Variants in TVP23A observed in about 807,000 individuals in gnomAD.
TVP23A encodes Golgi apparatus membrane protein TVP23 homolog A.
TVP23A carries 21 observed loss-of-function variants against 31.7 expected under a neutral mutation model. The ratio of observed to expected loss-of-function variants is 0.66; its 90% CI spans 0.47 to 0.95. The LOEUF (loss-of-function observed/expected upper bound fraction) is 0.95. Among genes scored for constraint, TVP23A ranks in the 40% least tolerant of loss-of-function variants. The pLI, the probability that TVP23A is intolerant of heterozygous loss-of-function variation, is 0.00. For missense variants in TVP23A, 279 were observed against 255.6 expected, an observed-to-expected ratio of 1.09 and a Z score of -0.62; for synonymous variants, 104 against 96.0, an observed-to-expected ratio of 1.08 and a Z score of -0.49.
At chr16:10,761,702 T>G, downstream of TVP23A, 1 of 1,348,740 alleles carries the variant, frequency 7.4e-7, no homozygotes, top group Non-Finnish European at 1.1e-6. Context: ...ATGTGGTCCA[T>G]CCTTGTGATT....
downstream of TVP23A, among the ~76,000 whole-genome samples, chr16:10,763,116 T>G (rs538081717): frequency 1.2e-4 from 19 of 152,050 alleles, no homozygotes; most frequent in African/African-American, 4.3e-4. Flanking sequence ...GGTCCGTCCC[T>G]CAGAGACAGT....
intron 2 of TVP23A, among the ~76,000 whole-genome samples, chr16:10,780,218 T>C (rs1052287508): frequency 3.3e-5 from 5 of 152,194 alleles, no homozygotes; most frequent in African/African-American, 1.2e-4. Flanking sequence ...ATTTACTTAA[T>C]CTAAATGGGT....
intron 2 of TVP23A, among the ~76,000 whole-genome samples, chr16:10,816,864 A>ACGTTGTGCAC (rs1321563188): frequency 5.3e-4 from 80 of 152,108 alleles, no homozygotes; most frequent in African/African-American, 1.9e-3. Context: ...CCTAAAACTT[A>ACGTTGTGCAC]AAGTACAATA....
chr16:10,761,307 A>G lies in TVP23A; in HGVS notation c.*468T>C, dbSNP rs551882281. 3.8e-5 allele frequency: 58 copies of G among 1,524,184 alleles called. No individual in the cohort carries two copies. In the African/African-American group the frequency reaches 5.9e-4, roughly 15 times the overall value. The allele number at this position is 1,524,184 out of a possible 1,614,324, so 94.4% of individuals were successfully genotyped here. A position where few individuals can be genotyped will look rare whatever the true frequency, so the allele number is the denominator to read the frequency against. ...ATTGCAGCCATCCCCTCGGTTGCAC[A>G]GACATTCCCTTTCTCGCACTTTGAT... is the stretch of plus-strand genomic sequence containing the variant. On this transcript the variant is annotated 3_prime_UTR_variant and NMD_transcript_variant, in exon 9 of 9. Transcript: ENST00000456096.
At chr16:10,762,142 G>T, downstream of TVP23A, 1 of 297,932 alleles carries the variant, frequency 3.4e-6, no homozygotes, top group Admixed American at 4.6e-5. Flanking sequence ...GGGGACTGAG[G>T]AGGGCACCCG....
At chr16:10,804,384 G>A (rs2033846895) in intron 2 of TVP23A, among the ~76,000 whole-genome samples, 1 of 152,204 alleles carries the variant, frequency 6.6e-6, no homozygotes, top group Non-Finnish European at 1.5e-5. Flanking sequence ...GAGTGGGTGA[G>A]GGCCGAAGCT....
exon 9 of TVP23A, chr16:10,761,383 T>A: frequency 6.2e-7 from 1 of 1,614,070 alleles, no homozygotes; most frequent in Non-Finnish European, 8.5e-7. Flanking sequence ...CTCCAGGATG[T>A]CCGGAAAGAA....
chr16:10,786,645 G>C (rs773558849), intron 2 of TVP23A, among the ~76,000 whole-genome samples: 29 of 152,024 alleles, frequency 1.9e-4, no homozygotes, highest in Non-Finnish European at 2.9e-4. Flanking sequence ...TCTAGAATTT[G>C]CTTAAAAATA....
intron 2 of TVP23A, among the ~76,000 whole-genome samples, chr16:10,781,658 C>A (rs778005044): frequency 6.6e-6 from 1 of 152,122 alleles, no homozygotes; most frequent in Non-Finnish European, 1.5e-5. Context: ...CAGCTCTACC[C>A]GGGTTCAGCA....
intron 2 of TVP23A, among the ~76,000 whole-genome samples, chr16:10,798,536 G>A (rs373790347): frequency 1.3e-5 from 2 of 152,328 alleles, no homozygotes; most frequent in Admixed American, 6.5e-5. Flanking sequence ...TCATACCCTC[G>A]TGTAGTCACG....
downstream of TVP23A, among the ~76,000 whole-genome samples, chr16:10,766,440 GTGTGTTGGGGGC>G (rs1178167176): frequency 6.6e-6 from 1 of 152,184 alleles, no homozygotes; most frequent in Non-Finnish European, 1.5e-5. This position sits in a 1 kb window ranked among gnomAD's most constrained non-coding sequence, Gnocchi z 4.8. Flanking sequence ...GAGCATATAT[GTGTGTTGGGGGC>G]TGGGGAGCCC....
Position 10,818,536 on chromosome 16 carries a change from A to T in TVP23A, c.-43T>A. Reference sequence around the variant, plus strand: ...ACCTGGCGCCCAGGCCCGGGGCTCCAGCTCCGCCCGTCGCCGCTGAAGGGG... The same window carrying T: ...ACCTGGCGCCCAGGCCCGGGGCTCCTGCTCCGCCCGTCGCCGCTGAAGGGG... On this transcript the variant is annotated 5_prime_UTR_variant, in exon 1 of 8. Transcript: ENST00000299866. This position sits in a 1 kb window ranked among gnomAD's most constrained non-coding sequence, Gnocchi z 4.7. 6.3e-7 allele frequency: 1 copy of T among 1,593,444 alleles called. No homozygotes were observed. Among genetic ancestry groups the T allele is most frequent in the Non-Finnish European group, 8.5e-7 (1 of 1,175,588 alleles).
chr16:10,784,834 C>T (rs941870480), intron 2 of TVP23A, among the ~76,000 whole-genome samples: 22 of 152,138 alleles, frequency 1.4e-4, no homozygotes, highest in South Asian at 2.1e-4. Flanking sequence ...GGTGTGGTGG[C>T]TCACACCTAT....
intron 2 of TVP23A, among the ~76,000 whole-genome samples, chr16:10,788,540 C>T (rs1281427498): frequency 6.6e-6 from 1 of 152,024 alleles, no homozygotes; most frequent in Non-Finnish European, 1.5e-5. Flanking sequence ...ACCCGAAGTC[C>T]GGTGGTGACA....
At chr16:10,757,717 A>G (rs931980339), downstream of TVP23A, among the ~76,000 whole-genome samples, 1 of 152,050 alleles carries the variant, frequency 6.6e-6, no homozygotes, top group African/African-American at 2.4e-5. This position sits in a 1 kb window ranked among gnomAD's most constrained non-coding sequence, Gnocchi z 4.1. Flanking sequence ...AGTCCTAGTT[A>G]CTTGGGAGGC....
intron 2 of TVP23A, among the ~76,000 whole-genome samples, chr16:10,812,647 A>C (rs1002351012): frequency 2.0e-5 from 3 of 152,170 alleles, no homozygotes; most frequent in African/African-American, 7.2e-5. Flanking sequence ...GTAAGCCAAT[A>C]AAAAAAGGAC....
chr16:10,762,834 C>T (rs930440210), downstream of TVP23A, among the ~76,000 whole-genome samples: 3 of 151,350 alleles, frequency 2.0e-5, no homozygotes, highest in East Asian at 3.9e-4. Context: ...GGGCGGGGCC[C>T]GTGGAGAGCC....
chr16:10,757,786 G>C (rs1202471679), downstream of TVP23A: 8 of 1,523,084 alleles, frequency 5.3e-6, no homozygotes, highest in East Asian at 1.8e-4. The surrounding 1 kb of genome is among the most constrained non-coding windows in gnomAD (Gnocchi z 4.1). Flanking sequence ...AACATAGCAA[G>C]ACCCCATCCT....
In TVP23A at chr16:10,766,802, G is replaced by C; in HGVS notation, c.*2300C>G. The C allele has an allele frequency of 2.5e-6, 1 of 397,532 alleles. No homozygotes were observed. The highest frequency in any genetic ancestry group is 4.4e-6 in the Non-Finnish European group (1 of 225,876). 24.6% of individuals were successfully genotyped at this position (397,532 alleles called of 1,614,324 possible). A position where few individuals can be genotyped will look rare whatever the true frequency, so the allele number is the denominator to read the frequency against. On this transcript the variant is annotated 3_prime_UTR_variant, in exon 8 of 8. Transcript: ENST00000299866. The surrounding 1 kb of genome is among the most constrained non-coding windows in gnomAD (Gnocchi z 4.8). ...TTTTGTGTTTAAATACCCTCTACTTGAGGTACGCCCTATATAAACGAAAAG... is the reference window on the plus strand; with the variant it reads ...TTTTGTGTTTAAATACCCTCTACTTCAGGTACGCCCTATATAAACGAAAAG...
Sources: allele counts gnomAD v4.1 joint callset (sites outside exome capture counted in the v4.1 genomes callset), GRCh38; gene constraint gnomAD v4.1.1; non-coding constraint Gnocchi (gnomAD v3.1); transcripts MANE v1.5; gene names NCBI Gene and HGNC (gene_info 2026-07-23, HGNC 2026-07-21).